Variants in XPR1 observed in about 807,000 individuals in gnomAD.
The protein encoded by XPR1 is xenotropic and polytropic retrovirus receptor 1.
A neutral mutation model predicts 87.5 loss-of-function variants in XPR1; 28 were observed. That is an observed-to-expected ratio of 0.32 (90% CI 0.24 to 0.44). The LOEUF is 0.44. XPR1 is among the 20% of genes least tolerant of loss of function. The probability of loss-of-function intolerance (pLI) is 1.00; values close to 1 mark genes in which losing one functional copy is unlikely to be tolerated. For missense variants in XPR1, 559 were observed against 862.3 expected (o/e 0.65, Z 4.41); for synonymous variants, 300 against 306.1 (o/e 0.98, Z 0.21).
chr1:180,688,376 A>G (rs1269697181), intron 2 of XPR1, among the ~76,000 whole-genome samples: 3 of 152,008 alleles, frequency 2.0e-5, no homozygotes, highest in African/African-American at 4.8e-5. Flanking sequence ...GGTGTGAGCC[A>G]CTGCGCCCAG....
intron 2 of XPR1, among the ~76,000 whole-genome samples, chr1:180,696,167 T>G (rs12749805): frequency 0.045 from 3,453 of 77,060 alleles, 54 homozygotes; most frequent in African/African-American, 0.1. Flanking sequence ...TATTCCTGGG[T>G]GTGTGTGTGT....
At chr1:180,724,572 A>AG (rs1658273990) in intron 2 of XPR1, among the ~76,000 whole-genome samples, 1 of 152,160 alleles carries the variant, frequency 6.6e-6, no homozygotes, top group African/African-American at 2.4e-5. Context: ...TGTGGGTGTA[A>AG]GGGGCTAAAG....
chr1:180,766,490 C>G (rs1342709673), intron 2 of XPR1, among the ~76,000 whole-genome samples: 1 of 151,884 alleles, frequency 6.6e-6, no homozygotes, highest in Non-Finnish European at 1.5e-5. Flanking sequence ...GCTTCTAGCC[C>G]AGGCTTGAGA....
chr1:180,704,814 GTTTTTTTTTT>G (rs567903048), intron 2 of XPR1, among the ~76,000 whole-genome samples: 1 of 51,944 alleles, frequency 1.9e-5, no homozygotes, highest in Non-Finnish European at 3.5e-5. Context: ...ACTGTTGGTT[GTTTTTTTTTT>G]TTTTTTTTTT....
chr1:180,726,189 G>A (rs146335771), intron 2 of XPR1, among the ~76,000 whole-genome samples: 6 of 152,128 alleles, frequency 3.9e-5, no homozygotes, highest in African/African-American at 1.2e-4. Context: ...CTAAAGGTTT[G>A]TAAATGCACC....
intron 14 of XPR1, among the ~76,000 whole-genome samples, chr1:180,881,487 A>G (rs1370343508): frequency 6.6e-6 from 1 of 152,214 alleles, no homozygotes; most frequent in Non-Finnish European, 1.5e-5. Context: ...ATTTTTCTGT[A>G]GAAGAATGAC....
intron 2 of XPR1, among the ~76,000 whole-genome samples, chr1:180,747,607 G>T (rs1056486166): frequency 6.6e-6 from 1 of 152,150 alleles, no homozygotes; most frequent in Non-Finnish European, 1.5e-5. Flanking sequence ...TTAAAAATAA[G>T]TTAATAGGGA....
At chr1:180,662,832 A>G (rs1396432919) in intron 1 of XPR1, among the ~76,000 whole-genome samples, 1 of 151,114 alleles carries the variant, frequency 6.6e-6, no homozygotes, top group Non-Finnish European at 1.5e-5. Flanking sequence ...TTTTTCTTTC[A>G]TCTCTTCTGA....
At chr1:180,748,721 A>G (rs1232470633) in intron 2 of XPR1, among the ~76,000 whole-genome samples, 1 of 151,894 alleles carries the variant, frequency 6.6e-6, no homozygotes, top group African/African-American at 2.4e-5. Context: ...TCGGCCATTT[A>G]TGTCTGTTAT....
intron 1 of XPR1, among the ~76,000 whole-genome samples, chr1:180,665,870 G>A (rs73049494): frequency 0.017 from 2,548 of 152,092 alleles, 78 homozygotes; most frequent in African/African-American, 0.056. Context: ...GGCTTTTTTT[G>A]TGTAGATAGT....
At chr1:180,641,509 G>A (rs76841589) in intron 1 of XPR1, among the ~76,000 whole-genome samples, 4,432 of 152,152 alleles carry the variant, frequency 0.029, 101 homozygotes, top group Non-Finnish European at 0.041. Flanking sequence ...ACAATTATGT[G>A]GCTGTGAGGT....
chr1:180,645,499 G>A (rs1315447696), intron 1 of XPR1, among the ~76,000 whole-genome samples: 1 of 152,190 alleles, frequency 6.6e-6, no homozygotes, highest in Non-Finnish European at 1.5e-5. Flanking sequence ...TGTTGAGCAG[G>A]TTGAATGTGT....
chr1:180,690,828 A>G (rs1656964777), intron 2 of XPR1, among the ~76,000 whole-genome samples: 1 of 151,294 alleles, frequency 6.6e-6, no homozygotes, highest in East Asian at 1.9e-4. Context: ...ATTGAGTAGG[A>G]ATAAAAGTGA....
At chr1:180,662,942 G>A (rs1446475033) in intron 1 of XPR1, among the ~76,000 whole-genome samples, 1 of 152,064 alleles carries the variant, frequency 6.6e-6, no homozygotes, top group African/African-American at 2.4e-5. Flanking sequence ...TATGTCAGTT[G>A]CATTTTCAAC....
chr1:180,673,645 C>T (rs1441704578), intron 1 of XPR1, among the ~76,000 whole-genome samples: 1 of 152,174 alleles, frequency 6.6e-6, no homozygotes, highest in East Asian at 1.9e-4. Flanking sequence ...CATAGGAGTA[C>T]GACCCCTATT....
At position 180,679,570 on chromosome 1, in the gene XPR1, T is replaced by G. The variant is rs574973077; in HGVS notation, c.70-2790T>G. ...TGAAGCTATGGATATCCTCATCCAC[T>G]GAACTGATTTTACCATTTTGATAGA... On this transcript the variant is annotated intron_variant, in intron 1 of 14. Transcript: ENST00000367590. Among the ~76,000 whole-genome samples, 100 of 152,346 alleles carry G rather than the reference T, an allele frequency of 6.6e-4. No individual in the cohort carries two copies. In the Middle Eastern group the frequency reaches 0.01, roughly 16 times the overall value.
intron 3 of XPR1, among the ~76,000 whole-genome samples, chr1:180,800,756 C>T (rs6425654): frequency 0.017 from 2,552 of 152,224 alleles, 80 homozygotes; most frequent in African/African-American, 0.056. Context: ...TAAATAGACA[C>T]GAGGCCCTTT....
chr1:180,833,504 C>CAA (rs150551585), intron 9 of XPR1, among the ~76,000 whole-genome samples: 351 of 147,934 alleles, frequency 2.4e-3, no homozygotes, highest in East Asian at 2.8e-3. Context: ...AAATGTAAAG[C>CAA]AAAAAAAAAC....
At chr1:180,733,889 T>G (rs1365156690) in intron 2 of XPR1, among the ~76,000 whole-genome samples, 1 of 152,192 alleles carries the variant, frequency 6.6e-6, no homozygotes, top group Admixed American at 6.5e-5. Flanking sequence ...GCTGATATTT[T>G]TAGTGCTTCC....
Sources: allele counts gnomAD v4.1 joint callset (sites outside exome capture counted in the v4.1 genomes callset), GRCh38; gene constraint gnomAD v4.1.1; transcripts MANE v1.5; gene names NCBI Gene and HGNC (gene_info 2026-07-23, HGNC 2026-07-21).